FBRSL1: variants seen among roughly 807,000 people sequenced by gnomAD.
FBRSL1 encodes fibrosin like 1.
In FBRSL1, 51 loss-of-function variants were observed where a neutral mutation model predicts 89.6. The observed-to-expected ratio is 0.57, with a 90% CI of 0.45 to 0.72. FBRSL1 has a LOEUF of 0.72. Ranked by LOEUF, FBRSL1 falls within the 30% of genes least tolerant of loss-of-function variation. The pLI is 0.00. For synonymous variants in FBRSL1, 779 were observed against 681.1 expected (o/e 1.14, Z -2.24); for missense variants, 1,618 against 1,451.8 (o/e 1.11, Z -1.86).
At chr12:132,581,641 A>G in intron 16 of FBRSL1, 100 bp from the exon 17 acceptor site, 1 of 1,481,164 alleles carries the variant, frequency 6.8e-7, no homozygotes, top group Non-Finnish European at 9.2e-7. Context: ...TGCAGGCAGT[A>G]CCCACCAGGC....
intron 5 of FBRSL1, chr12:132,551,721 C>T (rs2038181040): frequency 1.8e-5 from 7 of 387,944 alleles, no homozygotes; most frequent in East Asian, 1.5e-4. Context: ...CCCGCCCAGC[C>T]GCCCCCTCCC....
At chr12:132,566,616 G>A (rs1406071932) in intron 5 of FBRSL1, among the ~76,000 whole-genome samples, 2 of 148,086 alleles carry the variant, frequency 1.4e-5, no homozygotes, top group African/African-American at 5.0e-5. Flanking sequence ...GAGTGGGGCT[G>A]AGCAATTTCT....
At chr12:132,502,611 C>T (rs147864398) in intron 1 of FBRSL1, among the ~76,000 whole-genome samples, 1,946 of 152,170 alleles carry the variant, frequency 0.013, 24 homozygotes, top group Admixed American at 0.022. Flanking sequence ...GTTCTCCAGG[C>T]GTGGCTGGAC....
intron 2 of FBRSL1, chr12:132,509,027 G>C: frequency 1.7e-6 from 2 of 1,178,430 alleles, no homozygotes; most frequent in Non-Finnish European, 2.1e-6. Flanking sequence ...GGCTCTGCGC[G>C]GTGTCCTCGG....
At chr12:132,556,619 C>G (rs1364991752) in intron 5 of FBRSL1, among the ~76,000 whole-genome samples, 43 of 67,326 alleles carry the variant, frequency 6.4e-4, no homozygotes, top group African/African-American at 1.5e-3. Flanking sequence ...ACCCACCCCC[C>G]TCCTGTGGGA....
intron 11 of FBRSL1, 42 bp from the exon 12 acceptor site, chr12:132,574,048 G>T: frequency 8.2e-7 from 1 of 1,212,506 alleles, no homozygotes; most frequent in Non-Finnish European, 1.0e-6. Flanking sequence ...CTCCTGCCTG[G>T]GCGGCCCCAG....
At chr12:132,531,676 G>T (rs141165948) in intron 4 of FBRSL1, among the ~76,000 whole-genome samples, 1,630 of 149,220 alleles carry the variant, frequency 0.011, 32 homozygotes, top group East Asian at 0.11. Context: ...TGTTGTGCAC[G>T]TGGCGTTGTG....
chr12:132,583,786 G>T lies in FBRSL1; in HGVS notation c.*8G>T. 8.3e-7 allele frequency: 1 copy of T among 1,210,436 alleles called. No individual in the cohort carries two copies. The highest frequency in any genetic ancestry group is 3.3e-5 in the East Asian group (1 of 30,534). 75.0% of individuals were successfully genotyped at this position (1,210,436 alleles called of 1,614,324 possible). On this transcript the variant is annotated 3_prime_UTR_variant, in exon 19 of 19. Transcript: ENST00000680143. Reference sequence around the variant, plus strand: ...GAGGTGGAGGCGCGGTAGCCCCGGGGCCGCAGACGCCTCTCCGAGCGGAGC... The same window carrying T: ...GAGGTGGAGGCGCGGTAGCCCCGGGTCCGCAGACGCCTCTCCGAGCGGAGC...
rs1446335858 is a variant in FBRSL1 at position 132,566,391 on chromosome 12, A to G, written c.646-1090A>G. On this transcript the variant is annotated intron_variant, in intron 5 of 18. Transcript: ENST00000680143. ...ACAGAAACGTTGAATCCACAACTCA[A>G]TGAAGCTGTTTAATCAAAAAAAAAA... The G allele has an allele frequency of 2.0e-5, 3 of 147,058 alleles. No individual in the cohort carries two copies. In the East Asian group the frequency reaches 6.3e-4, roughly 31 times the overall value. 9.1% of individuals were successfully genotyped at this position (147,058 alleles called of 1,614,324 possible). A position where few individuals can be genotyped will look rare whatever the true frequency, so the allele number is the denominator to read the frequency against.
intron 2 of FBRSL1, among the ~76,000 whole-genome samples, chr12:132,520,486 G>A (rs890935518): frequency 2.0e-5 from 3 of 152,174 alleles, no homozygotes; most frequent in Non-Finnish European, 4.4e-5. Context: ...CTGCCACAAA[G>A]CCCCTGCCCT....
intron 4 of FBRSL1, among the ~76,000 whole-genome samples, chr12:132,539,403 C>A (rs1365214753): frequency 7.0e-6 from 1 of 143,394 alleles, no homozygotes; most frequent in Non-Finnish European, 1.5e-5. Flanking sequence ...GCCCTCCAGC[C>A]CCATGTCCAC....
chr12:132,514,793 T>TA (rs758296119), intron 2 of FBRSL1, among the ~76,000 whole-genome samples: 10 of 152,210 alleles, frequency 6.6e-5, no homozygotes, highest in Non-Finnish European at 1.3e-4. Flanking sequence ...ATAGGAGTGT[T>TA]ATGTGAGCCA....
intron 2 of FBRSL1, among the ~76,000 whole-genome samples, chr12:132,516,592 G>A (rs2136746607): frequency 6.6e-6 from 1 of 152,340 alleles, no homozygotes; most frequent in African/African-American, 2.4e-5. Context: ...CGCCAGCCTA[G>A]CCTAACACTT....
chr12:132,522,870 C>G (rs942752961), intron 2 of FBRSL1, among the ~76,000 whole-genome samples: 28 of 152,136 alleles, frequency 1.8e-4, no homozygotes, highest in Admixed American at 1.8e-3. Context: ...GCACCTGCCG[C>G]CTGGCAGACG....
chr12:132,571,932 C>T (rs760465836), intron 9 of FBRSL1: 6 of 380,748 alleles, frequency 1.6e-5, no homozygotes, highest in South Asian at 1.1e-4. Flanking sequence ...TCCACTCTCT[C>T]GAGTTTTATT....
In FBRSL1 at chr12:132,583,178, C is replaced by A. The variant is rs1436525600; in HGVS notation, c.2409C>A (p.Pro803=). Residue 803 remains proline (P), a synonymous_variant, in exon 19 of 19, where the codon CCC becomes CCA. Coordinates refer to ENST00000680143, the MANE Select transcript of FBRSL1 (RefSeq NM_001367871.1). The part of the protein sequence containing the change: ...AAKMPARASP[P]HSKAAPGDVK... ...AGATGCCCGCGCGCGCATCCCCGCC[C>A]CACAGCAAGGCGGCCCCTGGAGACG... is the stretch of plus-strand genomic sequence containing the variant. 1.4e-6 allele frequency: 2 copies of A among 1,454,888 alleles called. No homozygotes were observed. The highest frequency in any genetic ancestry group is 2.4e-5 in the Admixed American group (1 of 40,818). 90.1% of individuals were successfully genotyped at this position (1,454,888 alleles called of 1,614,324 possible). A position where few individuals can be genotyped will look rare whatever the true frequency, so the allele number is the denominator to read the frequency against.
chr12:132,509,036 G>A (rs1260055091), intron 2 of FBRSL1: 6 of 1,208,206 alleles, frequency 5.0e-6, no homozygotes, highest in East Asian at 6.3e-5. Context: ...CGGTGTCCTC[G>A]GCTCTCCTCG....
chr12:132,526,874 G>A (rs991501738), intron 3 of FBRSL1, among the ~76,000 whole-genome samples: 1 of 152,118 alleles, frequency 6.6e-6, no homozygotes, highest in African/African-American at 2.4e-5. Flanking sequence ...CCTGCTGGGG[G>A]AGGCCCTGGT....
chr12:132,492,091 G>A (rs1018328615), intron 1 of FBRSL1, among the ~76,000 whole-genome samples: 8 of 152,226 alleles, frequency 5.3e-5, no homozygotes, highest in South Asian at 2.1e-4. Flanking sequence ...CAGACTGTAC[G>A]TGTACTGAGC....
Sources: gnomAD v4.1 joint callset for allele counts (sites outside exome capture counted in the v4.1 genomes callset) on GRCh38, gnomAD v4.1.1 for gene constraint, MANE v1.5 for transcripts, NCBI Gene and HGNC (gene_info 2026-07-23, HGNC 2026-07-21) for gene names.